EPHA6: variants seen among roughly 807,000 people sequenced by gnomAD.
The protein encoded by EPHA6 is EPH receptor A6.
Under a neutral mutation model 112.0 loss-of-function variants are expected in EPHA6, and 50 were observed. The observed-to-expected ratio is 0.45, with a 90% CI of 0.36 to 0.56. The LOEUF (loss-of-function observed/expected upper bound fraction) is 0.56, where lower values mean the gene tolerates loss of function less well. Among genes scored for constraint, EPHA6 ranks in the 20% least tolerant of loss-of-function variants. The pLI, the probability that EPHA6 is intolerant of heterozygous loss-of-function variation, is 0.00. For synonymous variants in EPHA6, 529 were observed against 490.7 expected (o/e 1.08, Z -1.03); for missense variants, 1,280 against 1,417.4 (o/e 0.90, Z 1.56).
chr3:96,897,774 T>G (rs1279911550), intron 2 of EPHA6, among the ~76,000 whole-genome samples: 2 of 152,218 alleles, frequency 1.3e-5, no homozygotes, highest in Non-Finnish European at 2.9e-5. Context: ...TGCAAAATTC[T>G]AAATATCTGT....
intron 3 of EPHA6, among the ~76,000 whole-genome samples, chr3:97,194,295 T>C (rs2077383565): frequency 6.6e-6 from 1 of 152,024 alleles, no homozygotes; most frequent in Non-Finnish European, 1.5e-5. Context: ...CAAGAAATTT[T>C]ACAATTTCCA....
intron 2 of EPHA6, among the ~76,000 whole-genome samples, chr3:96,900,564 A>C (rs1426069349): frequency 6.6e-6 from 1 of 152,240 alleles, no homozygotes; most frequent in Non-Finnish European, 1.5e-5. Flanking sequence ...AGGAAATACT[A>C]AAGGCAACAG....
At chr3:97,619,075 G>C (rs1010808289) in intron 13 of EPHA6, among the ~76,000 whole-genome samples, 1 of 152,070 alleles carries the variant, frequency 6.6e-6, no homozygotes, top group African/African-American at 2.4e-5. Context: ...TGATCAAGTA[G>C]TTGTGATCAT....
At chr3:97,661,417 G>C (rs1257242122) in intron 14 of EPHA6, among the ~76,000 whole-genome samples, 1 of 152,018 alleles carries the variant, frequency 6.6e-6, no homozygotes, top group African/African-American at 2.4e-5. Flanking sequence ...ATGTGGGTGG[G>C]GCCCTATTAC....
At chr3:97,064,930 A>G (rs1446632551) in intron 3 of EPHA6, among the ~76,000 whole-genome samples, 1 of 152,166 alleles carries the variant, frequency 6.6e-6, no homozygotes, top group Non-Finnish European at 1.5e-5. Context: ...AGGAGAAAAG[A>G]CTTGATTAAA....
At chr3:96,916,359 T>G (rs2039482447) in intron 2 of EPHA6, among the ~76,000 whole-genome samples, 1 of 152,122 alleles carries the variant, frequency 6.6e-6, no homozygotes, top group Admixed American at 6.6e-5. Flanking sequence ...CTTTGGGGAA[T>G]CTCCTTTTTT....
At chr3:97,477,951 A>G (rs2091424352) in intron 8 of EPHA6, among the ~76,000 whole-genome samples, 1 of 152,062 alleles carries the variant, frequency 6.6e-6, no homozygotes, top group East Asian at 1.9e-4. Flanking sequence ...ATTCAGAAAT[A>G]TTTTTGTTTT....
chr3:96,954,642 T>C (rs573755638), intron 2 of EPHA6, among the ~76,000 whole-genome samples: 1 of 152,288 alleles, frequency 6.6e-6, no homozygotes, highest in East Asian at 1.9e-4. Context: ...AACCTCACTT[T>C]ATATTTCTTT....
intron 5 of EPHA6, among the ~76,000 whole-genome samples, chr3:97,374,677 T>G (rs2085247241): frequency 6.6e-6 from 1 of 152,036 alleles, no homozygotes; most frequent in South Asian, 2.1e-4. Context: ...CTTATATTAG[T>G]CCCATAGTCC....
intron 2 of EPHA6, among the ~76,000 whole-genome samples, chr3:96,960,417 T>C (rs1280955059): frequency 6.6e-6 from 1 of 152,180 alleles, no homozygotes; most frequent in Non-Finnish European, 1.5e-5. Context: ...TTGCCACTTT[T>C]GGCAATTGCA....
At chr3:97,639,474 G>T (rs2093982009) in intron 14 of EPHA6, among the ~76,000 whole-genome samples, 1 of 151,950 alleles carries the variant, frequency 6.6e-6, no homozygotes, top group African/African-American at 2.4e-5. Context: ...GTTGAAAAGT[G>T]TTATACAAAT....
At chr3:97,379,936 A>G (rs2085627408) in intron 5 of EPHA6, among the ~76,000 whole-genome samples, 1 of 152,144 alleles carries the variant, frequency 6.6e-6, no homozygotes, top group African/African-American at 2.4e-5. Flanking sequence ...GAAATAACAC[A>G]TAGAAATGAC....
At chr3:97,628,885 T>C (rs2093880259) in intron 13 of EPHA6, among the ~76,000 whole-genome samples, 2 of 152,046 alleles carry the variant, frequency 1.3e-5, no homozygotes, top group Non-Finnish European at 2.9e-5. Flanking sequence ...ACTCATTTTA[T>C]ATTCAGCAGT....
intron 1 of EPHA6, among the ~76,000 whole-genome samples, chr3:96,830,512 C>A (rs2033994952): frequency 6.6e-6 from 1 of 151,912 alleles, no homozygotes; most frequent in Non-Finnish European, 1.5e-5. Context: ...AGTTACTTGG[C>A]AAAGCTGATA....
At chr3:97,402,203 C>T (rs1172594287) in intron 5 of EPHA6, among the ~76,000 whole-genome samples, 10 of 151,924 alleles carry the variant, frequency 6.6e-5, no homozygotes, top group Admixed American at 6.6e-4. Flanking sequence ...TCCAATATTA[C>T]TTTTTTGATT....
rs2036119244 is a variant in EPHA6 at position 97,760,016 on chromosome 3, T to C, written c.*11315T>C. On this transcript the variant is annotated 3_prime_UTR_variant, in exon 18 of 18. Coordinates refer to ENST00000389672, the MANE Select transcript of EPHA6 (RefSeq NM_001080448.3). ...TATTACAGATTAAAAGGCAGAAACATTTTGTAGCTAATCTGTTATAATGCA... is the reference window on the plus strand; with the variant it reads ...TATTACAGATTAAAAGGCAGAAACACTTTGTAGCTAATCTGTTATAATGCA... 1 of 185,452 alleles carries C rather than the reference T, an allele frequency of 5.4e-6. No individual in the cohort carries two copies. The highest frequency in any genetic ancestry group is 1.1e-5 in the Non-Finnish European group (1 of 87,688). 11.5% of individuals were successfully genotyped at this position (185,452 alleles called of 1,614,324 possible). A position where few individuals can be genotyped will look rare whatever the true frequency, so the allele number is the denominator to read the frequency against.
At chr3:97,355,597 T>C (rs981895364) in intron 5 of EPHA6, among the ~76,000 whole-genome samples, 7 of 151,600 alleles carry the variant, frequency 4.6e-5, no homozygotes. Flanking sequence ...AAAAGGAAGA[T>C]AGGAAGGAAA....
rs148983080 is a variant in EPHA6 at position 97,597,229 on chromosome 3, C to T, written c.2512+4492C>T. On this transcript the variant is annotated intron_variant, in intron 12 of 17. Coordinates refer to ENST00000389672, the MANE Select transcript of EPHA6 (RefSeq NM_001080448.3). The stretch of plus-strand genomic sequence containing the variant: ...CTGAGGTACCCTCTCTGTTTGCCTG[C>T]CTGTGCTTTAAGTACAATGCTATAT... Among the ~76,000 whole-genome samples the T allele has an allele frequency of 4.6e-5, 7 of 151,948 alleles. No individual in the cohort carries two copies. The East Asian group carries it at 1.4e-3, about 29-fold the overall frequency.
At chr3:97,063,054 A>T (rs113325155) in intron 3 of EPHA6, among the ~76,000 whole-genome samples, 12,967 of 152,150 alleles carry the variant, frequency 0.085, 885 homozygotes, top group Admixed American at 0.21. Flanking sequence ...AAAGCAACAG[A>T]TGCTGGCGAA....
Sources: allele counts gnomAD v4.1 joint callset (sites outside exome capture counted in the v4.1 genomes callset), GRCh38; gene constraint gnomAD v4.1.1; transcripts MANE v1.5; gene names NCBI Gene and HGNC (gene_info 2026-07-23, HGNC 2026-07-21).